The following ERBB4 variants were observed in gnomAD, a reference collection of about 807,000 sequenced individuals.
ERBB4 encodes receptor tyrosine-protein kinase erbB-4.
In ERBB4, 42 loss-of-function variants were observed where a neutral mutation model predicts 158.0. The ratio of observed to expected loss-of-function variants is 0.27; its 90% CI spans 0.21 to 0.34. The LOEUF (loss-of-function observed/expected upper bound fraction) is 0.34, where lower values mean the gene tolerates loss of function less well. Ranked by LOEUF, ERBB4 falls within the 10% of genes least tolerant of loss-of-function variation. The pLI is 1.00. For missense variants in ERBB4, 1,333 were observed against 1,624.1 expected, an observed-to-expected ratio of 0.82 and a Z score of 3.08; for synonymous variants, 583 against 558.7, an observed-to-expected ratio of 1.04 and a Z score of -0.61.
At position 211,967,408 on chromosome 2, in the gene ERBB4, G is replaced by A. The variant is rs139012221; in HGVS notation, c.235-19792C>T. 2.8e-3 allele frequency among the ~76,000 whole-genome samples: 422 copies of A among 152,086 alleles called. 5 individuals carry two copies. The highest frequency in any genetic ancestry group is 0.015 in the Admixed American group (223 of 15,266). On this transcript the variant is annotated intron_variant, in intron 2 of 27. Coordinates refer to ENST00000342788, the MANE Select transcript of ERBB4 (RefSeq NM_005235.3). ...AAATAAACAATTTTGAGAATTTTTA[G>A]GTGACATATTTCAGCAAATTATGAT...
chr2:211,697,642 TA>T (rs1310202155), intron 12 of ERBB4, among the ~76,000 whole-genome samples: 1 of 152,160 alleles, frequency 6.6e-6, no homozygotes, highest in African/African-American at 2.4e-5. Context: ...TTACAAGATT[TA>T]AAAAAAGATA....
chr2:212,457,207 T>C (rs1688337582), intron 1 of ERBB4, among the ~76,000 whole-genome samples: 1 of 152,096 alleles, frequency 6.6e-6, no homozygotes. Context: ...GTGTTGTTTA[T>C]ATGTTTTTGC....
chr2:211,595,722 G>T (rs947172345), intron 19 of ERBB4, among the ~76,000 whole-genome samples: 1 of 152,110 alleles, frequency 6.6e-6, no homozygotes, highest in Admixed American at 6.5e-5. Context: ...CAATACAGCT[G>T]ACCCTCTGTA....
chr2:211,919,030 C>T (rs2079782635), intron 3 of ERBB4, among the ~76,000 whole-genome samples: 1 of 151,980 alleles, frequency 6.6e-6, no homozygotes, highest in Non-Finnish European at 1.5e-5. Context: ...CGTTATTATC[C>T]TTTCTCCCTC....
At chr2:211,762,121 T>C (rs1239740527) in intron 4 of ERBB4, among the ~76,000 whole-genome samples, 1 of 152,126 alleles carries the variant, frequency 6.6e-6, no homozygotes, top group Non-Finnish European at 1.5e-5. Context: ...ACACATTACA[T>C]AACAATTTTA....
At chr2:211,640,804 T>C (rs924909269) in intron 16 of ERBB4, among the ~76,000 whole-genome samples, 4 of 152,208 alleles carry the variant, frequency 2.6e-5, no homozygotes, top group African/African-American at 7.2e-5. Flanking sequence ...AAAGGAGATA[T>C]GGTGAGAAAA....
At chr2:211,789,704 G>T (rs555702733) in intron 3 of ERBB4, among the ~76,000 whole-genome samples, 1 of 152,036 alleles carries the variant, frequency 6.6e-6, no homozygotes, top group East Asian at 1.9e-4. Flanking sequence ...GAAGGCAACC[G>T]ACACCATCTC....
intron 20 of ERBB4, among the ~76,000 whole-genome samples, chr2:211,454,215 T>C (rs1034535639): frequency 1.6e-4 from 24 of 152,174 alleles, no homozygotes; most frequent in Non-Finnish European, 2.8e-4. Flanking sequence ...TGTATTAAAA[T>C]TATGTATTGA....
intron 4 of ERBB4, among the ~76,000 whole-genome samples, chr2:211,752,649 GATTA>G (rs2075168793): frequency 1.3e-5 from 2 of 151,902 alleles, no homozygotes; most frequent in African/African-American, 4.8e-5. Context: ...TCTCTTACTC[GATTA>G]ATTTTTTAAC....
rs544188634 is a variant in ERBB4 at position 211,377,288 on chromosome 2, G to A, written c.*6327C>T. 1 of 233,220 alleles carries A rather than the reference G, an allele frequency of 4.3e-6. No homozygotes were observed. Among genetic ancestry groups the A allele is most frequent in the South Asian group, 1.8e-4 (1 of 5,528 alleles). 14.4% of individuals were successfully genotyped at this position (233,220 alleles called of 1,614,324 possible). ...TCCTTCACAAAGGCTATAGGCCTGG[G>A]GGAAATATCTACGCATTGGGGATAA... On this transcript the variant is annotated 3_prime_UTR_variant, in exon 28 of 28. Transcript: ENST00000342788.
chr2:211,549,162 T>G (rs2067016329), intron 20 of ERBB4, among the ~76,000 whole-genome samples: 1 of 152,094 alleles, frequency 6.6e-6, no homozygotes, highest in Non-Finnish European at 1.5e-5. Flanking sequence ...GGGCTCCCTA[T>G]GTGGAAAGGG....
chr2:211,623,813 T>C (rs546908426), intron 18 of ERBB4, 109 bp downstream of exon 18: 1 of 1,077,292 alleles, frequency 9.3e-7, no homozygotes, highest in Non-Finnish European at 1.4e-6. Context: ...TCTTCCTTTC[T>C]GAATATTATA....
intron 2 of ERBB4, among the ~76,000 whole-genome samples, chr2:211,956,580 A>C (rs2081041105): frequency 6.6e-6 from 1 of 152,098 alleles, no homozygotes; most frequent in Admixed American, 6.6e-5. Context: ...AACAGGAAAA[A>C]TTCCTGCTAA....
chr2:211,606,281 C>A (rs773566566), intron 19 of ERBB4, among the ~76,000 whole-genome samples: 1 of 151,876 alleles, frequency 6.6e-6, no homozygotes, highest in Non-Finnish European at 1.5e-5. Flanking sequence ...CATTTGTAAA[C>A]GGGAATGTTA....
Position 211,736,507 on chromosome 2 carries a change from AAGGTCAAATTAAGAAATTAGAGAAACCG to A in ERBB4, c.623-11341_623-11314del, listed in dbSNP as rs2074606078. On this transcript the variant is annotated intron_variant, in intron 5 of 27. Transcript: ENST00000342788. ...AAAGCATTGTCTTATTGCATGAACA[AAGGTCAAATTAAGAAATTAGAGAAACCG>A]ATCTCTGTGCTCTTCTTATATATGT... Among the ~76,000 whole-genome samples, 3 of 152,304 alleles carry A rather than the reference AAGGTCAAATTAAGAAATTAGAGAAACCG, an allele frequency of 2.0e-5. No individual in the cohort carries two copies. In the East Asian group the frequency reaches 5.8e-4, roughly 29 times the overall value.
chr2:212,093,215 A>C (rs1389564871), intron 2 of ERBB4, among the ~76,000 whole-genome samples: 3 of 152,204 alleles, frequency 2.0e-5, no homozygotes, highest in Non-Finnish European at 4.4e-5. Context: ...AGAATGATTT[A>C]TGTCATAACA....
intron 12 of ERBB4, among the ~76,000 whole-genome samples, chr2:211,684,634 T>C (rs1276933619): frequency 2.0e-5 from 3 of 152,218 alleles, no homozygotes; most frequent in African/African-American, 7.2e-5. Context: ...AACTGCTCTA[T>C]AGCTAACTAT....
At chr2:212,294,761 T>C (rs2086348116) in intron 1 of ERBB4, among the ~76,000 whole-genome samples, 1 of 152,138 alleles carries the variant, frequency 6.6e-6, no homozygotes, top group Non-Finnish European at 1.5e-5. Context: ...AAGTATACTA[T>C]AACCAAATTT....
chr2:212,224,696 C>T (rs759432741), intron 1 of ERBB4, among the ~76,000 whole-genome samples: 3 of 151,758 alleles, frequency 2.0e-5, no homozygotes, highest in African/African-American at 4.8e-5. Context: ...GCAGCCAACA[C>T]GTAGCTTAAA....
Sources: allele counts gnomAD v4.1 joint callset (sites outside exome capture counted in the v4.1 genomes callset), GRCh38; gene constraint gnomAD v4.1.1; transcripts MANE v1.5; gene names NCBI Gene and HGNC (gene_info 2026-07-23, HGNC 2026-07-21).